PROSER1: variants seen among roughly 807,000 people sequenced by gnomAD.
PROSER1 encodes the protein proline and serine-rich protein 1.
In PROSER1, 36 loss-of-function variants were observed where a neutral mutation model predicts 71.8. The ratio of observed to expected loss-of-function variants is 0.50; its 90% confidence interval spans 0.38 to 0.66. PROSER1 has a LOEUF of 0.66. PROSER1 is among the 30% of genes least tolerant of loss of function. PROSER1 has a pLI of 0.00. For missense variants in PROSER1, 1,107 were observed against 1,135.0 expected, an observed-to-expected ratio of 0.98 and a Z score of 0.35; for synonymous variants, 490 against 452.4, an observed-to-expected ratio of 1.08 and a Z score of -1.06.
At chr13:39,027,774 A>C (rs1386504894) in intron 5 of PROSER1, among the ~76,000 whole-genome samples, 2 of 152,214 alleles carry the variant, frequency 1.3e-5, no homozygotes, top group African/African-American at 4.8e-5. Context: ...AGGGTTGGAC[A>C]AGTACTATTT....
At chr13:39,035,371 G>T (rs1428729507) in intron 1 of PROSER1, among the ~76,000 whole-genome samples, 1 of 152,186 alleles carries the variant, frequency 6.6e-6, no homozygotes, top group Non-Finnish European at 1.5e-5. Context: ...TGCTCTGCAA[G>T]CATAGTTTGA....
At chr13:39,015,618 C>T (rs1869972504) in intron 10 of PROSER1, among the ~76,000 whole-genome samples, 1 of 152,014 alleles carries the variant, frequency 6.6e-6, no homozygotes, top group African/African-American at 2.4e-5. Context: ...GTAAACAACA[C>T]ATACATAATT....
rs765330700 is a variant in PROSER1, at chr13:39,012,761, C to CTGGGGA, written c.2485_2490dup (p.Ser829_Pro830dup). On this transcript the variant is annotated inframe_insertion, in exon 11 of 13. Transcript: ENST00000352251. ...GAGGCGAATCCTGGGAGGACTGGAG[C>CTGGGGA]TGGGGATGGGGCTGTGGCAGCCACA... 2.2e-5 allele frequency: 36 copies of CTGGGGA among 1,613,246 alleles called. No homozygotes were observed. The East Asian group carries it at 7.8e-4, about 35-fold the overall frequency.
chr13:39,011,520 G>C, intron 12 of PROSER1, 33 bp from the exon 13 acceptor site: 1 of 1,608,354 alleles, frequency 6.2e-7, no homozygotes, highest in Non-Finnish European at 8.5e-7. Flanking sequence ...GTTTAGCAGA[G>C]TGCCAAGTTC....
At chr13:39,015,212 C>A (rs1869954139) in intron 10 of PROSER1, among the ~76,000 whole-genome samples, 1 of 152,172 alleles carries the variant, frequency 6.6e-6, no homozygotes, top group Non-Finnish European at 1.5e-5. Context: ...CAAACCCACT[C>A]AAGGACTATT....
Position 39,013,332 on chromosome 13 carries a change from G to A in PROSER1, c.1920C>T (p.Gly640=), listed in dbSNP as rs1419461551. The A allele has an allele frequency of 1.9e-6, 3 of 1,614,080 alleles. No homozygotes were observed. In the Admixed American group the frequency reaches 5.0e-5, roughly 27 times the overall value. ...GCACGGATGTTGAAGTATATGCACG[G>A]CCCAATGTCCCTGACAAACCTAAAG... The part of the protein sequence containing the change: ...HGTLGLSGTL[G]RAYTSTSVPI... The change falls in exon 11 of 13, where the codon GGC becomes GGT. Residue 640 remains glycine, a synonymous_variant. Transcript: ENST00000352251.
intron 2 of PROSER1, among the ~76,000 whole-genome samples, chr13:39,032,922 A>ATTTTTTT (rs11405662): frequency 2.1e-5 from 3 of 145,050 alleles, no homozygotes; most frequent in African/African-American, 7.6e-5. Context: ...AAAACATTTA[A>ATTTTTTT]TTTTTTTTTT....
At chr13:39,022,756 GAACTACC>G in intron 8 of PROSER1, 1 of 394,168 alleles carries the variant, frequency 2.5e-6, no homozygotes, top group Non-Finnish European at 4.5e-6. Context: ...TGATGCCTCT[GAACTACC>G]AACTACCAAA....
chr13:39,021,316 T>C (rs1219986343), intron 9 of PROSER1, among the ~76,000 whole-genome samples: 1 of 152,234 alleles, frequency 6.6e-6, no homozygotes, highest in Non-Finnish European at 1.5e-5. Context: ...ACAGTTCCTT[T>C]GCTGAGTCAG....
rs1267804101 is a variant in PROSER1 at position 39,026,396 on chromosome 13, T to C, written c.370-9A>G. ...CAGCCCCCCTTGAAAGCCTGTAATA[T>C]AAGAAAGAAGAGGGGTAGGAAAAAA... On this transcript the variant is annotated splice_polypyrimidine_tract_variant and intron_variant, in intron 5 of 12. Coordinates refer to ENST00000352251, the MANE Select transcript of PROSER1 (RefSeq NM_025138.5). 5.0e-6 allele frequency: 8 copies of C among 1,585,350 alleles called. No individual in the cohort carries two copies. Among genetic ancestry groups the C allele is most frequent in the South Asian group, 1.1e-5 (1 of 88,442 alleles).
rs778542143 is a variant in PROSER1, at chr13:39,012,112, C to T, written c.2683G>A (p.Ala895Thr). ...TGTAACAATGCTGACTGCGCAGCCG[C>T]ATTATGCTGTAATTCTTGCAAGGAT... is the stretch of plus-strand genomic sequence containing the variant. ...QSSLQELQHN[A>T]AAQSALLQQV... is the part of the protein sequence containing the mutation. Residue 895 changes from alanine to threonine, a missense_variant, in exon 12 of 13, where the codon GCG becomes ACG. By Grantham distance (58) the Ala-to-Thr change is moderately conservative (BLOSUM62 0). Coordinates refer to ENST00000352251, the MANE Select transcript of PROSER1 (RefSeq NM_025138.5). 4.3e-6 allele frequency: 7 copies of T among 1,614,022 alleles called. No individual in the cohort carries two copies. Among genetic ancestry groups the T allele is most frequent in the African/African-American group, 1.3e-5 (1 of 74,930 alleles).
chr13:39,011,993 TGGG>T, intron 12 of PROSER1, 87 bp downstream of exon 12: 2 of 1,329,056 alleles, frequency 1.5e-6, no homozygotes, highest in South Asian at 1.4e-5. Flanking sequence ...TTGCCAATGT[TGGG>T]ATATCGCAAA....
rs908899709 is a variant in PROSER1 at position 39,037,938 on chromosome 13, T to C, written c.-696A>G. The C allele has an allele frequency of 6.5e-6, 1 of 152,796 alleles. No homozygotes were observed. Among genetic ancestry groups the C allele is most frequent in the Non-Finnish European group, 1.5e-5 (1 of 68,590 alleles). The allele number at this position is 152,796 out of a possible 1,614,324, so 9.5% of individuals were successfully genotyped here. ...GGGCGAAGAGGGGCACGGCCTCGCA[T>C]AGGGGGACTCCGGAAAAACGCAGCC... On this transcript the variant is annotated 5_prime_UTR_variant, in exon 1 of 13. An upstream start codon of the reference 5' UTR is lost. Coordinates refer to ENST00000352251, the MANE Select transcript of PROSER1 (RefSeq NM_025138.5).
At chr13:39,030,987 C>CGAAAGCAGCACTAACAGACCCAGACACTT (rs1870812576) in intron 3 of PROSER1, among the ~76,000 whole-genome samples, 1 of 152,144 alleles carries the variant, frequency 6.6e-6, no homozygotes, top group African/African-American at 2.4e-5. Context: ...ATATCCAGGC[C>CGAAAGCAGCACTAACAGACCCAGACACTT]TGATATTGCT....
rs747675048 is a variant in PROSER1 at position 39,014,042 on chromosome 13, T to C, written c.1210A>G (p.Thr404Ala). The C allele has an allele frequency of 9.9e-6, 16 of 1,613,986 alleles. No homozygotes were observed. The highest frequency in any genetic ancestry group is 2.7e-5 in the African/African-American group (2 of 74,962). Reference protein sequence around the residue: ...EAFASTSAPFTSLPFSTSSSA... With the variant: ...EAFASTSAPFASLPFSTSSSA... ...GAGCTGGTGGAAAAGGGGAGGCTAG[T>C]GAAAGGTGCAGAAGTAGAAGCAAAT... is the stretch of plus-strand genomic sequence containing the variant. The change falls in exon 11 of 13, where the codon ACT becomes GCT. Residue 404 changes from threonine (T) to alanine (A), a missense_variant. Coordinates refer to ENST00000352251, the MANE Select transcript of PROSER1 (RefSeq NM_025138.5).
At chr13:39,031,338 G>A (rs1042601801) in intron 3 of PROSER1, among the ~76,000 whole-genome samples, 8 of 152,230 alleles carry the variant, frequency 5.3e-5, no homozygotes, top group African/African-American at 1.7e-4. Flanking sequence ...GCTTGCTGGT[G>A]AAGTTTTCTT....
intron 3 of PROSER1, among the ~76,000 whole-genome samples, 182 bp from the exon 4 acceptor site, chr13:39,029,557 C>T (rs114988709): frequency 2.6e-5 from 4 of 152,032 alleles, no homozygotes; most frequent in Admixed American, 6.6e-5. Context: ...GCTCTATCAA[C>T]GTAACCATTT....
intron 1 of PROSER1, among the ~76,000 whole-genome samples, chr13:39,036,168 C>T (rs898039014): frequency 6.6e-6 from 1 of 152,212 alleles, no homozygotes; most frequent in South Asian, 2.1e-4. Flanking sequence ...AATTAGCAAA[C>T]CAATATTTTA....
In PROSER1 at chr13:39,026,278, G is replaced by C. The variant is rs1480625331; in HGVS notation, c.479C>G (p.Pro160Arg). The change falls in exon 6 of 13, where the codon CCA (proline) becomes CGA (arginine). Residue 160 changes from proline to arginine, a missense_variant and splice_region_variant. Physicochemically the swap from Pro to Arg is moderately radical, Grantham distance 103. Coordinates refer to ENST00000352251, the MANE Select transcript of PROSER1 (RefSeq NM_025138.5). ...GRPSRINGIF[P>R]GTPLKKDGEE... ...ATACAGCTACAGAAGTATGCTTACTGGGAAAATTCCATTTATGCGGCTAGG... is the reference window on the plus strand; with the variant it reads ...ATACAGCTACAGAAGTATGCTTACTCGGAAAATTCCATTTATGCGGCTAGG... 11 of 1,594,082 alleles carry C rather than the reference G, an allele frequency of 6.9e-6. No individual in the cohort carries two copies. The highest frequency in any genetic ancestry group is 6.9e-6 in the Non-Finnish European group (8 of 1,163,052).
Sources: gnomAD v4.1 joint callset for allele counts (sites outside exome capture counted in the v4.1 genomes callset) on GRCh38, gnomAD v4.1.1 for gene constraint, MANE v1.5 for transcripts, NCBI Gene and HGNC (gene_info 2026-07-23, HGNC 2026-07-21) for gene names.